SNX9: variants seen among roughly 807,000 people sequenced by gnomAD.
SNX9 encodes the protein sorting nexin-9.
A neutral mutation model predicts 89.4 loss-of-function variants in SNX9; 44 were observed. That is an observed-to-expected ratio of 0.49 (90% CI 0.39 to 0.63). SNX9 has a LOEUF of 0.63. SNX9 is among the 30% of genes least tolerant of loss of function. SNX9 has a pLI of 0.00. For missense variants in SNX9, 578 were observed against 736.1 expected (o/e 0.79, Z 2.49); for synonymous variants, 236 against 247.8 (o/e 0.95, Z 0.45).
intron 4 of SNX9, among the ~76,000 whole-genome samples, chr6:157,887,148 G>A (rs1782751835): frequency 6.6e-6 from 1 of 152,098 alleles, no homozygotes. Context: ...GCCTTGTTCT[G>A]GGATGCACCT....
intron 1 of SNX9, among the ~76,000 whole-genome samples, chr6:157,827,212 T>C (rs10455914): frequency 4.0e-4 from 10 of 25,170 alleles, no homozygotes; most frequent in South Asian, 2.5e-3. Context: ...AAACATATAT[T>C]ATAGTTTATA....
chr6:157,881,240 A>C (rs1782615244), intron 4 of SNX9, among the ~76,000 whole-genome samples: 1 of 152,164 alleles, frequency 6.6e-6, no homozygotes, highest in African/African-American at 2.4e-5. Flanking sequence ...TTGATGATTC[A>C]TGATGAGTGA....
At chr6:157,869,819 C>T (rs1216492008) in intron 2 of SNX9, among the ~76,000 whole-genome samples, 10 of 152,050 alleles carry the variant, frequency 6.6e-5, no homozygotes, top group African/African-American at 2.4e-4. Flanking sequence ...CATGTACGTA[C>T]TCTCACGCAC....
At position 157,897,008 on chromosome 6, in the gene SNX9, G is replaced by A. The variant is rs1165179794; in HGVS notation, c.472+10G>A. The A allele has an allele frequency of 1.3e-6, 2 of 1,577,492 alleles. No individual in the cohort carries two copies. Among genetic ancestry groups the A allele is most frequent in the South Asian group, 2.3e-5 (2 of 85,464 alleles). ...GCCTACCAAGGACCAGGTGAGGAGAGGGGTGCAAGGTCCCACCCTGCCCGC... is the reference window on the plus strand; with the variant it reads ...GCCTACCAAGGACCAGGTGAGGAGAAGGGTGCAAGGTCCCACCCTGCCCGC... On this transcript the variant is annotated intron_variant, in intron 5 of 17. Coordinates refer to ENST00000392185, the MANE Select transcript of SNX9 (RefSeq NM_016224.5).
intron 1 of SNX9, chr6:157,829,499 A>C (rs1204716947): frequency 6.6e-6 from 1 of 152,188 alleles, no homozygotes; most frequent in African/African-American, 2.4e-5. Context: ...TGTATGCTCT[A>C]TGTCCACTAG....
At chr6:157,880,238 G>A (rs985599655) in intron 4 of SNX9, among the ~76,000 whole-genome samples, 2 of 152,188 alleles carry the variant, frequency 1.3e-5, no homozygotes, top group Admixed American at 6.5e-5. Context: ...TGAATAGTCA[G>A]TGGATTAGGC....
intron 6 of SNX9, among the ~76,000 whole-genome samples, chr6:157,905,407 T>G (rs1783189991): frequency 6.6e-6 from 1 of 152,232 alleles, no homozygotes; most frequent in Non-Finnish European, 1.5e-5. Flanking sequence ...ATTAATCTTG[T>G]CTTTTTCAGT....
At chr6:157,936,946 T>A (rs1385843555) in intron 14 of SNX9, among the ~76,000 whole-genome samples, 2 of 152,066 alleles carry the variant, frequency 1.3e-5, no homozygotes, top group African/African-American at 2.4e-5. Flanking sequence ...CACACACTAA[T>A]GTGGTTGTGG....
chr6:157,867,894 T>C (rs1429227344), intron 2 of SNX9, among the ~76,000 whole-genome samples: 1 of 152,234 alleles, frequency 6.6e-6, no homozygotes, highest in Non-Finnish European at 1.5e-5. Context: ...GAGTTTATTA[T>C]GTCTGCTTAT....
intron 9 of SNX9, among the ~76,000 whole-genome samples, chr6:157,919,602 C>T (rs1178936286): frequency 6.6e-6 from 1 of 151,962 alleles, no homozygotes; most frequent in African/African-American, 2.4e-5. Flanking sequence ...TGTGTTGATT[C>T]TCTGTCATAT....
chr6:157,848,536 ATGAAG>A (rs1057073256), intron 1 of SNX9, among the ~76,000 whole-genome samples: 2 of 152,234 alleles, frequency 1.3e-5, no homozygotes, highest in Admixed American at 6.5e-5. Flanking sequence ...GTAAACCTAG[ATGAAG>A]TGAAGTTTTT....
intron 12 of SNX9, among the ~76,000 whole-genome samples, chr6:157,930,504 A>T (rs1246627720): frequency 2.6e-5 from 4 of 152,202 alleles, no homozygotes; most frequent in Non-Finnish European, 2.9e-5. Flanking sequence ...ACCGCACAGC[A>T]GGAGGCAAGT....
In SNX9 at chr6:157,921,655, T is replaced by C; in HGVS notation, c.1074T>C (p.Asp358=). 1 of 1,613,910 alleles carries C rather than the reference T, an allele frequency of 6.2e-7. No homozygotes were observed. Among genetic ancestry groups the C allele is most frequent in the Non-Finnish European group, 8.5e-7 (1 of 1,179,814 alleles). The change falls in exon 10 of 18, where the codon GAT becomes GAC. Residue 358 remains aspartate, a synonymous_variant. Coordinates refer to ENST00000392185, the MANE Select transcript of SNX9 (RefSeq NM_016224.5). ...EVFQQFLNFR[D]EKEWKTGKRK... ...TCCAGCAGTTCCTAAATTTCCGAGATGAGAAGGTAGGACATTGTGTTAATA... is the reference window on the plus strand; with the variant it reads ...TCCAGCAGTTCCTAAATTTCCGAGACGAGAAGGTAGGACATTGTGTTAATA...
At chr6:157,845,439 C>CAGTAA in intron 1 of SNX9, among the ~76,000 whole-genome samples, 1 of 152,130 alleles carries the variant, frequency 6.6e-6, no homozygotes, top group Non-Finnish European at 1.5e-5. Flanking sequence ...GTCTCACTTA[C>CAGTAA]ACTTATTTTG....
intron 1 of SNX9, among the ~76,000 whole-genome samples, chr6:157,832,582 A>G (rs1257165186): frequency 1.3e-5 from 2 of 152,236 alleles, no homozygotes; most frequent in Non-Finnish European, 2.9e-5. Flanking sequence ...TAAATGACTC[A>G]CAGTTCCAAA....
chr6:157,936,561 CT>C (rs2115216908), intron 14 of SNX9, among the ~76,000 whole-genome samples: 1 of 152,364 alleles, frequency 6.6e-6, no homozygotes, highest in South Asian at 2.1e-4. Flanking sequence ...TGCCTCTGAT[CT>C]GTTCTTAGCC....
At chr6:157,834,521 A>ATT (rs71027370) in intron 1 of SNX9, among the ~76,000 whole-genome samples, 20 of 149,658 alleles carry the variant, frequency 1.3e-4, no homozygotes, top group Non-Finnish European at 3.0e-4. Flanking sequence ...AATTTTTTAA[A>ATT]TTTTTTTTTC....
chr6:157,927,770 A>G (rs1048004631), intron 11 of SNX9, among the ~76,000 whole-genome samples: 5 of 119,688 alleles, frequency 4.2e-5, no homozygotes, highest in Admixed American at 2.4e-4. Flanking sequence ...TCTGTCACCC[A>G]GGCTGGAGTG....
At chr6:157,877,928 G>C (rs757770857) in intron 4 of SNX9, among the ~76,000 whole-genome samples, 16 of 152,122 alleles carry the variant, frequency 1.1e-4, no homozygotes, top group Non-Finnish European at 2.2e-4. Flanking sequence ...TTTTCTTTAA[G>C]TATATCTTTT....
Sources: allele counts gnomAD v4.1 joint callset (sites outside exome capture counted in the v4.1 genomes callset), GRCh38; gene constraint gnomAD v4.1.1; transcripts MANE v1.5; gene names NCBI Gene and HGNC (gene_info 2026-07-23, HGNC 2026-07-21).